The following TSPAN10 variants were observed in gnomAD, a reference collection of about 807,000 sequenced individuals.
The protein encoded by TSPAN10 is tetraspanin-10.
In TSPAN10, 11 loss-of-function variants were observed where a neutral mutation model predicts 15.0. That is an observed-to-expected ratio of 0.73 (90% CI 0.46 to 1.21). The LOEUF is 1.21. TSPAN10 is among the 50% of genes most tolerant of loss of function. The pLI is 0.00. For synonymous variants in TSPAN10, 241 were observed against 226.2 expected, an observed-to-expected ratio of 1.07 and a Z score of -0.59; for missense variants, 486 against 470.6, an observed-to-expected ratio of 1.03 and a Z score of -0.30.
upstream of TSPAN10, chr17:81,642,324 G>T: frequency 1.3e-6 from 2 of 1,536,690 alleles, no homozygotes; most frequent in Non-Finnish European, 1.8e-6. Context: ...CAGGGCCGCA[G>T]TCAGGACCAG....
upstream of TSPAN10, chr17:81,639,224 T>TTC (rs2036154504): frequency 6.8e-6 from 1 of 147,434 alleles, no homozygotes; most frequent in East Asian, 2.1e-4. Context: ...TTTTTTTTTT[T>TTC]TTGAGTCGGA....
At chr17:81,645,835 ACTCCT>A (rs2036245595) in intron 2 of TSPAN10, 1 of 659,010 alleles carries the variant, frequency 1.5e-6, no homozygotes, top group Admixed American at 2.7e-5. Flanking sequence ...ACACCTACAC[ACTCCT>A]CTACACTGAC....
chr17:81,647,748 A>C (rs1272690736), intron 2 of TSPAN10, 153 bp from the exon 4 acceptor site: 1 of 741,590 alleles, frequency 1.3e-6, no homozygotes. Context: ...CCGTGTGTGC[A>C]GGTGTGTGCG....
chr17:81,640,896 G>C (rs1039780914), upstream of TSPAN10, among the ~76,000 whole-genome samples: 2 of 152,112 alleles, frequency 1.3e-5, no homozygotes, highest in African/African-American at 2.4e-5. Context: ...ACTTTGGCCG[G>C]GCGTGGTGGC....
At chr17:81,648,261 C>T (rs2036286953) in exon 3 of TSPAN10, 7 of 1,214,716 alleles carry the variant, frequency 5.8e-6, no homozygotes, top group Middle Eastern at 3.3e-4. Flanking sequence ...CCAGCCCCGG[C>T]GCCCCGCCCG....
upstream of TSPAN10, among the ~76,000 whole-genome samples, chr17:81,640,974 A>G (rs909099802): frequency 2.0e-5 from 3 of 150,600 alleles, no homozygotes; most frequent in Non-Finnish European, 4.4e-5. Context: ...GGAGGTCGAG[A>G]CCAGACTGGC....
upstream of TSPAN10, among the ~76,000 whole-genome samples, chr17:81,641,906 G>C (rs1037382931): frequency 6.9e-6 from 1 of 145,224 alleles, no homozygotes; most frequent in African/African-American, 2.9e-5. Flanking sequence ...GTGATCTGGT[G>C]GGGGGACGCT....
At chr17:81,642,544 GC>G in intron 1 of TSPAN10, 96 bp downstream of exon 2, 1 of 1,251,864 alleles carries the variant, frequency 8.0e-7, no homozygotes, top group Non-Finnish European at 1.1e-6. Flanking sequence ...ACCCACCCCT[GC>G]CCCTGGTGCC....
At chr17:81,642,843 TGGG>T (rs1568178686) in intron 1 of TSPAN10, among the ~76,000 whole-genome samples, 1 of 152,068 alleles carries the variant, frequency 6.6e-6, no homozygotes, top group Non-Finnish European at 1.5e-5. Flanking sequence ...GTTGAGGTCT[TGGG>T]GGTGATAAAT....
chr17:81,637,226 G>A (rs1012389158), exon 1 of TSPAN10: 2 of 488,412 alleles, frequency 4.1e-6, no homozygotes, highest in Middle Eastern at 2.9e-4. Context: ...TGGAGGAGGG[G>A]ATTTTGGAAA....
chr17:81,641,051 GT>G (rs1163665066), upstream of TSPAN10, among the ~76,000 whole-genome samples: 1 of 151,982 alleles, frequency 6.6e-6, no homozygotes, highest in Non-Finnish European at 1.5e-5. Context: ...TGCAATCCTA[GT>G]TACTCAGGAG....
At chr17:81,647,703 G>C in intron 2 of TSPAN10, 198 bp from the exon 4 acceptor site, 1 of 652,592 alleles carries the variant, frequency 1.5e-6, no homozygotes, top group Non-Finnish European at 2.7e-6. Flanking sequence ...GCCGTGCACA[G>C]GGATACGTTA....
At chr17:81,639,205 C>CTTTTTTTTTTTTTTTTTTTTTTTTTT (rs1184054370), upstream of TSPAN10, 1 of 110,434 alleles carries the variant, frequency 9.1e-6, no homozygotes, top group Non-Finnish European at 1.9e-5. Context: ...AATTACTTTT[C>CTTTTTTTTTTTTTTTTTTTTTTTTTT]TTTTTTTTTT....
intron 1 of TSPAN10, among the ~76,000 whole-genome samples, chr17:81,644,262 G>A (rs2036213201): frequency 6.6e-6 from 1 of 152,086 alleles, no homozygotes; most frequent in Non-Finnish European, 1.5e-5. Context: ...CCTGCCAGTG[G>A]GCCAGGGGGT....
chr17:81,641,071 A>G (rs1042860919), upstream of TSPAN10, among the ~76,000 whole-genome samples: 7 of 152,098 alleles, frequency 4.6e-5, no homozygotes, highest in African/African-American at 1.7e-4. Context: ...AGGCCAAGGC[A>G]GGAGCATCGC....
At chr17:81,645,056 T>G (rs1186890695) in exon 2 of TSPAN10, 16 of 1,587,016 alleles carry the variant, frequency 1.0e-5, no homozygotes, top group Non-Finnish European at 1.3e-5. Flanking sequence ...CTAGGTCCAG[T>G]GCCCAGGGAG....
At chr17:81,644,006 ATT>A (rs1322175344) in intron 1 of TSPAN10, among the ~76,000 whole-genome samples, 28 of 124,110 alleles carry the variant, frequency 2.3e-4, no homozygotes, top group Non-Finnish European at 2.0e-4. Context: ...CGCCCGGCTA[ATT>A]TTTTTTTTTT....
chr17:81,648,458 TC>T, downstream of TSPAN10: 1 of 676,350 alleles, frequency 1.5e-6, no homozygotes, highest in Non-Finnish European at 2.0e-6. Flanking sequence ...TCGCTCCGCG[TC>T]CCCCATGCCA....
chr17:81,648,486 G>T (rs1598713506), downstream of TSPAN10: 1 of 477,754 alleles, frequency 2.1e-6, no homozygotes. Context: ...AACGCAGGGC[G>T]CCCGGCGAAG....
Sources: allele counts gnomAD v4.1 joint callset (sites outside exome capture counted in the v4.1 genomes callset), GRCh38; gene constraint gnomAD v4.1.1; transcripts MANE v1.5; gene names NCBI Gene and HGNC (gene_info 2026-07-23, HGNC 2026-07-21).